CFAP300: variants seen among roughly 807,000 people sequenced by gnomAD.
The protein encoded by CFAP300 is cilia- and flagella-associated protein 300.
Under a neutral mutation model 33.0 loss-of-function variants are expected in CFAP300, and 32 were observed. The observed-to-expected ratio is 0.97, with a 90% CI of 0.73 to 1.30. CFAP300 has a LOEUF of 1.30. Ranked by LOEUF, CFAP300 falls within the 50% of genes most tolerant of loss-of-function variation. The probability of loss-of-function intolerance (pLI) is 0.00; values close to 1 mark genes in which losing one functional copy is unlikely to be tolerated. For synonymous variants in CFAP300, 102 were observed against 106.8 expected (o/e 0.95, Z 0.28); for missense variants, 356 against 318.1 (o/e 1.12, Z -0.90).
chr11:102,065,993 C>G, intron 3 of CFAP300, among the ~76,000 whole-genome samples: 1 of 139,232 alleles, frequency 7.2e-6, no homozygotes. Context: ...TTTTTTGAGA[C>G]GCAGCCTAGG....
At chr11:102,048,941 T>C (rs188232557) in intron 2 of CFAP300, among the ~76,000 whole-genome samples, 38 of 152,272 alleles carry the variant, frequency 2.5e-4, no homozygotes, top group African/African-American at 8.9e-4. Flanking sequence ...CCTGAGGGCC[T>C]ATCATGTGCT....
chr11:102,055,916 G>A (rs1008508163), intron 2 of CFAP300, among the ~76,000 whole-genome samples: 5 of 151,934 alleles, frequency 3.3e-5, no homozygotes, highest in Admixed American at 6.6e-5. Flanking sequence ...TGATCCGCCC[G>A]CCTCGGCCTC....
intron 5 of CFAP300, among the ~76,000 whole-genome samples, chr11:102,077,102 G>A (rs952717652): frequency 4.1e-5 from 6 of 147,140 alleles, no homozygotes; most frequent in African/African-American, 7.6e-5. Flanking sequence ...ACACACACAC[G>A]CACTCATGCA....
intron 3 of CFAP300, among the ~76,000 whole-genome samples, chr11:102,063,902 C>A (rs147611531): frequency 4.1e-4 from 63 of 152,228 alleles, no homozygotes; most frequent in African/African-American, 1.4e-3. Flanking sequence ...AATTTGGGGT[C>A]CTAGTGGTTA....
At chr11:102,059,052 T>A in intron 3 of CFAP300, 97 bp downstream of exon 3, 1 of 692,066 alleles carries the variant, frequency 1.4e-6, no homozygotes, top group South Asian at 2.3e-5. Context: ...TGGGAATGAC[T>A]CATCTGTTTG....
At chr11:102,062,101 T>TTTATACTTA in intron 3 of CFAP300, among the ~76,000 whole-genome samples, 1 of 152,114 alleles carries the variant, frequency 6.6e-6, no homozygotes, top group African/African-American at 2.4e-5. Flanking sequence ...GATTAATGCC[T>TTTATACTTA]TTATAATAAG....
intron 4 of CFAP300, among the ~76,000 whole-genome samples, chr11:102,067,248 G>A (rs1942242894): frequency 6.6e-6 from 1 of 152,190 alleles, no homozygotes; most frequent in Admixed American, 6.5e-5. Flanking sequence ...TGAAGTCCCA[G>A]CTGCTCGGAA....
At chr11:102,078,034 G>A (rs11225120) in intron 5 of CFAP300, among the ~76,000 whole-genome samples, 64,686 of 151,724 alleles carry the variant, frequency 0.43, 14,027 homozygotes, top group East Asian at 0.71. Flanking sequence ...GGGATCACAA[G>A]CACACACCAC....
Position 102,066,652 on chromosome 11 carries a change from G to T in CFAP300, c.435+1G>T. On this transcript the variant is annotated splice_donor_variant, in intron 4 of 6. Transcript: ENST00000434758. LOFTEE classifies it high-confidence loss of function. ...TCTCATTTCTGATGAGTTACGAAGA[G>T]TAAGTACAGAATTTTAAAATTTCGC... The T allele has an allele frequency of 6.3e-7, 1 of 1,589,532 alleles. No individual in the cohort carries two copies. Among genetic ancestry groups the T allele is most frequent in the Non-Finnish European group, 8.5e-7 (1 of 1,174,348 alleles).
intron 4 of CFAP300, 90 bp from the exon 5 acceptor site, chr11:102,075,783 G>T: frequency 4.0e-6 from 4 of 1,011,392 alleles, no homozygotes; most frequent in East Asian, 2.5e-5. Context: ...ATAGGTGTAA[G>T]ATTATTTTTA....
intron 4 of CFAP300, among the ~76,000 whole-genome samples, chr11:102,069,544 T>C (rs1357431858): frequency 2.0e-5 from 3 of 152,204 alleles, no homozygotes; most frequent in African/African-American, 4.8e-5. Flanking sequence ...GGCTCATGCT[T>C]GTAATCTCAG....
At chr11:102,062,471 T>C (rs1272274466) in intron 3 of CFAP300, among the ~76,000 whole-genome samples, 1 of 152,168 alleles carries the variant, frequency 6.6e-6, no homozygotes, top group Admixed American at 6.5e-5. Context: ...GATATGTTAT[T>C]GGAAACTGGG....
At chr11:102,053,617 T>C (rs1408831966) in intron 2 of CFAP300, among the ~76,000 whole-genome samples, 3 of 151,962 alleles carry the variant, frequency 2.0e-5, no homozygotes, top group South Asian at 4.2e-4. Flanking sequence ...TCGTGGCTCA[T>C]GCCTATAATC....
chr11:102,050,076 G>A (rs1428336402), intron 2 of CFAP300, among the ~76,000 whole-genome samples: 1 of 152,028 alleles, frequency 6.6e-6, no homozygotes, highest in East Asian at 1.9e-4. Flanking sequence ...GATTACTTGA[G>A]CTATGATCGC....
Position 102,047,892 on chromosome 11 carries a change from T to A in CFAP300, c.188T>A (p.Val63Asp), listed in dbSNP as rs1267321799. The stretch of plus-strand genomic sequence containing the variant: ...CAGTCCTATCGGAAGGATGATTTCG[T>A]TATGGTTAGTATGGGGGTCGGAGAG... ...TFQSYRKDDF[V>D]MAFFKDPNVI... The change falls in exon 2 of 7, where the codon GTT becomes GAT. Residue 63 changes from valine to aspartate, a missense_variant. Coordinates refer to ENST00000434758, the MANE Select transcript of CFAP300 (RefSeq NM_032930.3). 2.5e-6 allele frequency: 4 copies of A among 1,614,010 alleles called. No individual in the cohort carries two copies. The African/African-American group carries it at 5.3e-5, about 22-fold the overall frequency.
At chr11:102,080,375 T>C (rs918192669) in intron 5 of CFAP300, among the ~76,000 whole-genome samples, 8 of 152,134 alleles carry the variant, frequency 5.3e-5, no homozygotes, top group Non-Finnish European at 1.0e-4. Context: ...TAGCAATATA[T>C]AATTTAACAA....
intron 6 of CFAP300, among the ~76,000 whole-genome samples, chr11:102,081,889 T>TA (rs72280444): frequency 0.44 from 52,003 of 118,412 alleles, 11,098 homozygotes; most frequent in East Asian, 0.69. Context: ...AGACTCCATC[T>TA]AAAAAAAAAA....
chr11:102,047,855 G>T lies in CFAP300; in HGVS notation c.151G>T (p.Asp51Tyr). 6.2e-7 allele frequency: 1 copy of T among 1,614,170 alleles called. No homozygotes were observed. Among genetic ancestry groups the T allele is most frequent in the South Asian group, 1.1e-5 (1 of 91,036 alleles). ...AATCAAGGCGCAGGCGTTCGGCTTTGACCAGACCTTTCAGTCCTATCGGAA... is the reference window on the plus strand; with the variant it reads ...AATCAAGGCGCAGGCGTTCGGCTTTTACCAGACCTTTCAGTCCTATCGGAA... ...GRIKAQAFGF[D>Y]QTFQSYRKDD... The change falls in exon 2 of 7, where the codon GAC becomes TAC. Residue 51 changes from aspartate (D) to tyrosine (Y), a missense_variant. By Grantham distance (160) the Asp-to-Tyr change is radical. Coordinates refer to ENST00000434758, the MANE Select transcript of CFAP300 (RefSeq NM_032930.3).
chr11:102,081,170 C>G, intron 5 of CFAP300, 45 bp from the exon 6 acceptor site: 1 of 1,368,732 alleles, frequency 7.3e-7, no homozygotes, highest in South Asian at 1.3e-5. Flanking sequence ...ATGTATATGC[C>G]AATGCCTATT....
Sources: gnomAD v4.1 joint callset for allele counts (sites outside exome capture counted in the v4.1 genomes callset) on GRCh38, gnomAD v4.1.1 for gene constraint, MANE v1.5 for transcripts, NCBI Gene and HGNC (gene_info 2026-07-23, HGNC 2026-07-21) for gene names.